MDGA2: variants seen among roughly 807,000 people sequenced by gnomAD.
MDGA2 encodes the protein MAM domain containing glycosylphosphatidylinositol anchor 2.
A neutral mutation model predicts 117.8 loss-of-function variants in MDGA2; 40 were observed. The ratio of observed to expected loss-of-function variants is 0.34; its 90% CI spans 0.26 to 0.44. The LOEUF is 0.44. MDGA2 is among the 20% of genes least tolerant of loss of function. The pLI, the probability that MDGA2 is intolerant of heterozygous loss-of-function variation, is 1.00. For missense variants in MDGA2, 1,123 were observed against 1,250.6 expected, an observed-to-expected ratio of 0.90 and a Z score of 1.54; for synonymous variants, 452 against 439.0, an observed-to-expected ratio of 1.03 and a Z score of -0.37.
intron 1 of MDGA2, among the ~76,000 whole-genome samples, chr14:47,368,160 T>C (rs970988092): frequency 6.6e-6 from 1 of 152,072 alleles, no homozygotes; most frequent in African/African-American, 2.4e-5. Context: ...CTCATGCCTG[T>C]AATCCCAGCT....
chr14:47,024,745 C>A (rs4581625), intron 8 of MDGA2, among the ~76,000 whole-genome samples: 128,173 of 152,166 alleles, frequency 0.84, 54,173 homozygotes, highest in East Asian at 0.97. Flanking sequence ...TAATTTCCAC[C>A]TTTAAAATGT....
intron 2 of MDGA2, among the ~76,000 whole-genome samples, chr14:47,257,654 AT>A (rs1887667361): frequency 6.6e-6 from 1 of 152,072 alleles, no homozygotes; most frequent in African/African-American, 2.4e-5. Context: ...ACTATTAATA[AT>A]TTTTTAAACT....
At chr14:47,664,755 T>C (rs1381588791) in intron 1 of MDGA2, among the ~76,000 whole-genome samples, 4 of 152,244 alleles carry the variant, frequency 2.6e-5, no homozygotes, top group African/African-American at 7.2e-5. Context: ...ATTTTAGTCA[T>C]TCTGGACCCA....
At chr14:47,217,904 A>C in intron 3 of MDGA2, 117 bp downstream of exon 3, 1 of 773,876 alleles carries the variant, frequency 1.3e-6, no homozygotes, top group Non-Finnish European at 1.9e-6. Context: ...TCATTATTTT[A>C]CACAGTTTTC....
chr14:47,597,098 A>G (rs1036737095), intron 1 of MDGA2, among the ~76,000 whole-genome samples: 1 of 152,162 alleles, frequency 6.6e-6, no homozygotes, highest in Admixed American at 6.6e-5. Flanking sequence ...AGTTTCTGTG[A>G]TAGAGGGGTA....
At chr14:47,352,520 C>A (rs58832177) in intron 1 of MDGA2, among the ~76,000 whole-genome samples, 4,477 of 152,284 alleles carry the variant, frequency 0.029, 223 homozygotes, top group African/African-American at 0.1. Flanking sequence ...ATTGCTCACA[C>A]AAAGCCTGTT....
rs568813261 is a variant in MDGA2 at position 47,072,228 on chromosome 14, C to T, written c.1196-10650G>A. ...GAGAAAAGCCAAACTAGGACCTAGA[C>T]TCTGTAGTGAGGTAGATAGAAGAAT... On this transcript the variant is annotated intron_variant, in intron 6 of 16. Transcript: ENST00000399232. 1.2e-4 allele frequency among the ~76,000 whole-genome samples: 18 copies of T among 151,876 alleles called. No individual in the cohort carries two copies. In the South Asian group the frequency reaches 3.7e-3, roughly 32 times the overall value.
At chr14:47,363,459 T>C (rs546641568) in intron 1 of MDGA2, among the ~76,000 whole-genome samples, 25 of 152,116 alleles carry the variant, frequency 1.6e-4, no homozygotes, top group African/African-American at 5.8e-4. Context: ...GGTTTCACCA[T>C]GTTGGCCAGG....
At chr14:47,005,119 A>G (rs1887666348) in intron 8 of MDGA2, among the ~76,000 whole-genome samples, 1 of 151,650 alleles carries the variant, frequency 6.6e-6, no homozygotes, top group Admixed American at 6.6e-5. Flanking sequence ...TGTAATAGCT[A>G]GAACCTCTAG....
intron 2 of MDGA2, among the ~76,000 whole-genome samples, chr14:47,273,295 C>T (rs1888206671): frequency 6.6e-6 from 1 of 152,028 alleles, no homozygotes; most frequent in Non-Finnish European, 1.5e-5. Context: ...ATTAATGAAG[C>T]CAGGATGACA....
intron 2 of MDGA2, among the ~76,000 whole-genome samples, chr14:47,282,624 G>T (rs1449184822): frequency 6.6e-6 from 1 of 152,052 alleles, no homozygotes; most frequent in Admixed American, 6.6e-5. Context: ...AGTGAACCAG[G>T]GAGGTGGAGC....
chr14:47,397,664 A>G (rs1394202702), intron 1 of MDGA2, among the ~76,000 whole-genome samples: 1 of 152,186 alleles, frequency 6.6e-6, no homozygotes, highest in Non-Finnish European at 1.5e-5. Flanking sequence ...TAAATAGATT[A>G]TCTCTATAAA....
chr14:47,112,497 A>C (rs2139062009), intron 5 of MDGA2, among the ~76,000 whole-genome samples: 1 of 152,148 alleles, frequency 6.6e-6, no homozygotes, highest in African/African-American at 2.4e-5. Context: ...AACATGCAGT[A>C]TTTGGTTTTC....
intron 1 of MDGA2, among the ~76,000 whole-genome samples, chr14:47,528,773 G>T (rs1895027441): frequency 6.6e-6 from 1 of 151,802 alleles, no homozygotes; most frequent in African/African-American, 2.4e-5. Context: ...ACTTTACATA[G>T]CCTTAAATAA....
At chr14:47,604,910 A>C (rs1896714180) in intron 1 of MDGA2, among the ~76,000 whole-genome samples, 1 of 152,144 alleles carries the variant, frequency 6.6e-6, no homozygotes, top group Non-Finnish European at 1.5e-5. Flanking sequence ...ACCTACCTGC[A>C]CAGGACTGCT....
In MDGA2 at chr14:47,673,177, TG is replaced by T. The variant is rs923512059; in HGVS notation, c.280+1339del. Among the ~76,000 whole-genome samples, 4 of 152,204 alleles carry T rather than the reference TG, an allele frequency of 2.6e-5. No homozygotes were observed. The East Asian group carries it at 7.7e-4, about 29-fold the overall frequency. On this transcript the variant is annotated intron_variant, in intron 1 of 16. Transcript: ENST00000399232. ...CTGTTCAGCCCTGGACAGAACACAG[TG>T]GACACAGTAAAGGCTGGGTCTGTAG... is the stretch of plus-strand genomic sequence containing the variant.
chr14:47,248,861 T>G (rs527521237), intron 2 of MDGA2, among the ~76,000 whole-genome samples: 1 of 151,908 alleles, frequency 6.6e-6, no homozygotes, highest in Non-Finnish European at 1.5e-5. Flanking sequence ...CAGAAAAAAA[T>G]TAGTATATTT....
At chr14:47,549,165 C>T (rs1373456914) in intron 1 of MDGA2, among the ~76,000 whole-genome samples, 1 of 152,110 alleles carries the variant, frequency 6.6e-6, no homozygotes, top group Non-Finnish European at 1.5e-5. Context: ...TTTCAGGAAG[C>T]TGCTGGTTGG....
rs1049985958 is a variant in MDGA2 at position 47,242,543 on chromosome 14, A to G, written c.421-24348T>C. On this transcript the variant is annotated intron_variant, in intron 2 of 16. Transcript: ENST00000399232. ...GGTGGGCCCCGCACTTGGAGCAGCC[A>G]GCCAGTCCTGCTGGCCCCGGGCAAT... 3.3e-5 allele frequency among the ~76,000 whole-genome samples: 5 copies of G among 151,844 alleles called. 1 individual carries two copies. Among genetic ancestry groups the G allele is most frequent in the East Asian group, 3.9e-4 (2 of 5,172 alleles).
Sources: allele counts gnomAD v4.1 joint callset (sites outside exome capture counted in the v4.1 genomes callset), GRCh38; gene constraint gnomAD v4.1.1; transcripts MANE v1.5; gene names NCBI Gene and HGNC (gene_info 2026-07-23, HGNC 2026-07-21).